CEP112: variants seen among roughly 807,000 people sequenced by gnomAD.
CEP112 encodes centrosomal protein of 112 kDa.
Under a neutral mutation model 153.0 loss-of-function variants are expected in CEP112, and 127 were observed. The ratio of observed to expected loss-of-function variants is 0.83; its 90% CI spans 0.72 to 0.96. CEP112 has a LOEUF of 0.96. Ranked by LOEUF, CEP112 falls within the 40% of genes least tolerant of loss-of-function variation. The pLI, the probability that CEP112 is intolerant of heterozygous loss-of-function variation, is 0.00. For missense variants in CEP112, 1,089 were observed against 1,101.2 expected, an observed-to-expected ratio of 0.99 and a Z score of 0.16; for synonymous variants, 358 against 374.4, an observed-to-expected ratio of 0.96 and a Z score of 0.51.
At chr17:65,709,740 A>T (rs189722192) in intron 23 of CEP112, among the ~76,000 whole-genome samples, 1 of 152,332 alleles carries the variant, frequency 6.6e-6, no homozygotes, top group African/African-American at 2.4e-5. Flanking sequence ...ATTGAGCGGC[A>T]TTATACAAAA....
At chr17:65,946,277 C>T (rs1039019673) in intron 18 of CEP112, among the ~76,000 whole-genome samples, 3 of 152,212 alleles carry the variant, frequency 2.0e-5, no homozygotes, top group African/African-American at 7.2e-5. Flanking sequence ...AATGTTCCTA[C>T]ATCTTCGTTT....
intron 21 of CEP112, among the ~76,000 whole-genome samples, chr17:65,767,309 A>G (rs1049567226): frequency 6.6e-6 from 1 of 152,138 alleles, no homozygotes; most frequent in Non-Finnish European, 1.5e-5. Context: ...AGAAATCAAA[A>G]GAAAAACTGA....
chr17:66,166,119 G>A (rs1310129377), intron 4 of CEP112, among the ~76,000 whole-genome samples: 1 of 152,022 alleles, frequency 6.6e-6, no homozygotes, highest in Non-Finnish European at 1.5e-5. Context: ...AATCTGATAT[G>A]GTAAAAATAG....
chr17:66,152,143 A>C (rs2071236996), intron 4 of CEP112, among the ~76,000 whole-genome samples: 1 of 152,178 alleles, frequency 6.6e-6, no homozygotes, highest in Admixed American at 6.5e-5. Context: ...AAGAATATGG[A>C]AACATCTTTG....
At chr17:66,022,775 A>G (rs1019866162) in intron 16 of CEP112, among the ~76,000 whole-genome samples, 2 of 151,810 alleles carry the variant, frequency 1.3e-5, no homozygotes, top group Non-Finnish European at 2.9e-5. Flanking sequence ...AAGAGATTCA[A>G]TGAGATAAAA....
chr17:65,846,745 T>G (rs1598763306), intron 21 of CEP112, among the ~76,000 whole-genome samples: 1 of 152,082 alleles, frequency 6.6e-6, no homozygotes, highest in Non-Finnish European at 1.5e-5. Flanking sequence ...ATTTTTTGTA[T>G]TTTTTAGTAG....
chr17:65,908,470 C>T (rs35900787), intron 19 of CEP112, among the ~76,000 whole-genome samples: 26,734 of 151,982 alleles, frequency 0.18, 2,532 homozygotes, highest in Admixed American at 0.27. Context: ...CTGAGCCGGG[C>T]GGATCATCTG....
At chr17:66,090,291 T>C (rs2068084428) in intron 8 of CEP112, among the ~76,000 whole-genome samples, 1 of 152,034 alleles carries the variant, frequency 6.6e-6, no homozygotes, top group South Asian at 2.1e-4. Flanking sequence ...CAGAATAGTC[T>C]AATAATATAA....
intron 8 of CEP112, among the ~76,000 whole-genome samples, chr17:66,088,121 C>T (rs2068009055): frequency 6.6e-6 from 1 of 152,096 alleles, no homozygotes; most frequent in Non-Finnish European, 1.5e-5. Context: ...GCCTAAACTT[C>T]AGCTCCACCC....
rs1348571366 is a variant in CEP112 at position 65,900,548 on chromosome 17, C to T, written c.2163+1604G>A. 3.9e-5 allele frequency among the ~76,000 whole-genome samples: 6 copies of T among 152,120 alleles called. No individual in the cohort carries two copies. The South Asian group carries it at 6.2e-4, about 16-fold the overall frequency. ...AAAGGTTCCCTCTAAATTTGGCCTC[C>T]ACTTGTATCGGCTTCCCATAGCAGC... On this transcript the variant is annotated intron_variant, in intron 20 of 26. Transcript: ENST00000535342.
At chr17:66,098,278 T>C (rs911482282) in intron 6 of CEP112, among the ~76,000 whole-genome samples, 2 of 152,228 alleles carry the variant, frequency 1.3e-5, no homozygotes, top group Non-Finnish European at 2.9e-5. Context: ...GCCTGATCCA[T>C]GAATCATTCT....
At chr17:66,042,003 C>T (rs2066004323) in intron 12 of CEP112, among the ~76,000 whole-genome samples, 1 of 152,140 alleles carries the variant, frequency 6.6e-6, no homozygotes, top group South Asian at 2.1e-4. Context: ...ATTAACACTA[C>T]CTCAGCCAGA....
intron 6 of CEP112, among the ~76,000 whole-genome samples, chr17:66,099,861 C>G (rs1026287938): frequency 6.6e-6 from 1 of 152,156 alleles, no homozygotes; most frequent in African/African-American, 2.4e-5. Context: ...TCTCCCCACT[C>G]TCATACACCA....
chr17:65,735,161 G>T (rs556950555), intron 23 of CEP112, among the ~76,000 whole-genome samples: 1 of 152,162 alleles, frequency 6.6e-6, no homozygotes, highest in East Asian at 1.9e-4. Flanking sequence ...TTCTAATTTT[G>T]GCTTGAAAGC....
At chr17:65,639,684 CAAA>C (rs11309560) in intron 25 of CEP112, among the ~76,000 whole-genome samples, 5 of 115,128 alleles carry the variant, frequency 4.3e-5, no homozygotes, top group Non-Finnish European at 3.7e-5. Flanking sequence ...AACTCTGTCT[CAAA>C]AAAAAAAAAA....
chr17:66,039,905 G>A (rs945394688), intron 12 of CEP112, among the ~76,000 whole-genome samples: 2 of 152,158 alleles, frequency 1.3e-5, no homozygotes, highest in South Asian at 2.1e-4. Context: ...GTTGTGGAAT[G>A]TAAGAGTAAT....
At chr17:66,116,841 G>A (rs1019220814) in intron 6 of CEP112, among the ~76,000 whole-genome samples, 3 of 147,112 alleles carry the variant, frequency 2.0e-5, no homozygotes, top group African/African-American at 5.0e-5. Context: ...TATATATGAA[G>A]CATGGTAATT....
rs1165187756 is a variant in CEP112, at chr17:66,028,378, G to C, written c.1531C>G (p.Gln511Glu). The C allele has an allele frequency of 3.1e-6, 5 of 1,595,672 alleles. No homozygotes were observed. Among genetic ancestry groups the C allele is most frequent in the Non-Finnish European group, 4.3e-6 (5 of 1,169,418 alleles). ...KASSMIEELEQNVCQLKQQLQ... is the reference protein window; with the variant it reads ...KASSMIEELEENVCQLKQQLQ... ...TGCTGTTTTAATTGACAGACATTCT[G>C]CTCTAATTCTTCAATCATACTAGAT... Residue 511 changes from glutamine to glutamate, a missense_variant, in exon 15 of 27, where the codon CAG (glutamine) becomes GAG (glutamate). By Grantham distance (29) the Gln-to-Glu change is conservative. Coordinates refer to ENST00000535342, the MANE Select transcript of CEP112 (RefSeq NM_001199165.4).
intron 3 of CEP112, among the ~76,000 whole-genome samples, chr17:66,176,484 T>C (rs1385978741): frequency 6.6e-6 from 1 of 152,068 alleles, no homozygotes; most frequent in Non-Finnish European, 1.5e-5. Flanking sequence ...ATAATATATA[T>C]GAAAGAGTTT....
Sources: gnomAD v4.1 joint callset for allele counts (sites outside exome capture counted in the v4.1 genomes callset) on GRCh38, gnomAD v4.1.1 for gene constraint, MANE v1.5 for transcripts, NCBI Gene and HGNC (gene_info 2026-07-23, HGNC 2026-07-21) for gene names.